RERE: variants seen among roughly 807,000 people sequenced by gnomAD.
RERE encodes the protein arginine-glutamic acid dipeptide repeats protein.
A neutral mutation model predicts 146.1 loss-of-function variants in RERE; 40 were observed. The ratio of observed to expected loss-of-function variants is 0.27; its 90% CI spans 0.21 to 0.36. The LOEUF (loss-of-function observed/expected upper bound fraction) is 0.36, where lower values mean the gene tolerates loss of function less well. Among genes scored for constraint, RERE ranks in the 10% least tolerant of loss-of-function variants. The pLI is 1.00. For synonymous variants in RERE, 1,003 were observed against 866.0 expected, an observed-to-expected ratio of 1.16 and a Z score of -2.78; for missense variants, 1,933 against 2,138.7, an observed-to-expected ratio of 0.90 and a Z score of 1.90.
At chr1:8,720,575 G>A (rs561007543) in intron 1 of RERE, among the ~76,000 whole-genome samples, 1 of 152,140 alleles carries the variant, frequency 6.6e-6, no homozygotes, top group Non-Finnish European at 1.5e-5. Context: ...GAGAGCAAGC[G>A]AGCCGGCAGG....
chr1:8,491,459 A>C (rs1044275857), intron 10 of RERE, among the ~76,000 whole-genome samples: 5 of 151,608 alleles, frequency 3.3e-5, no homozygotes, highest in African/African-American at 1.2e-4. Flanking sequence ...AAACAAAACA[A>C]AACAAGAAAA....
At chr1:8,612,344 C>G (rs1363450254) in intron 4 of RERE, among the ~76,000 whole-genome samples, 3 of 152,154 alleles carry the variant, frequency 2.0e-5, no homozygotes, top group Non-Finnish European at 2.9e-5. Context: ...CCAACTGGAT[C>G]TGATTCAGAT....
chr1:8,753,097 T>G (rs756171499), intron 1 of RERE, among the ~76,000 whole-genome samples: 28 of 152,220 alleles, frequency 1.8e-4, no homozygotes, highest in Admixed American at 2.0e-4. Context: ...GAGGTTAGCA[T>G]AAATGATTCA....
chr1:8,614,932 G>A (rs1050767697), intron 3 of RERE, among the ~76,000 whole-genome samples: 6 of 152,186 alleles, frequency 3.9e-5, no homozygotes, highest in African/African-American at 1.2e-4. Flanking sequence ...CTATCATAAA[G>A]CAGTATGGTG....
At chr1:8,501,731 C>G (rs1204434735) in intron 8 of RERE, among the ~76,000 whole-genome samples, 9 of 123,974 alleles carry the variant, frequency 7.3e-5, no homozygotes, top group Non-Finnish European at 1.4e-4. Context: ...GCCCCCCGCC[C>G]GGCCAGCCGC....
intron 2 of RERE, among the ~76,000 whole-genome samples, chr1:8,634,797 G>A (rs963465283): frequency 6.6e-6 from 1 of 152,124 alleles, no homozygotes; most frequent in South Asian, 2.1e-4. Flanking sequence ...GTGCAGTGGC[G>A]CGATCTCGGT....
intron 7 of RERE, among the ~76,000 whole-genome samples, chr1:8,509,341 C>G (rs2124301707): frequency 6.6e-6 from 1 of 152,188 alleles, no homozygotes; most frequent in South Asian, 2.1e-4. Context: ...TCTCAGGGTG[C>G]CCTACCATAA....
chr1:8,682,650 T>C (rs1236861649), intron 1 of RERE, among the ~76,000 whole-genome samples: 4 of 152,148 alleles, frequency 2.6e-5, no homozygotes, highest in Non-Finnish European at 5.9e-5. Context: ...ACCTACACAA[T>C]AAAAATAACT....
At chr1:8,645,559 T>C (rs1647268110) in intron 2 of RERE, among the ~76,000 whole-genome samples, 1 of 152,162 alleles carries the variant, frequency 6.6e-6, no homozygotes, top group Non-Finnish European at 1.5e-5. Flanking sequence ...GGACATCTTA[T>C]TATATAAAAC....
intron 11 of RERE, among the ~76,000 whole-genome samples, chr1:8,452,356 C>T (rs2124075812): frequency 6.6e-6 from 1 of 152,336 alleles, no homozygotes; most frequent in African/African-American, 2.4e-5. Context: ...TTTACACCCA[C>T]TACCCAAATC....
intron 10 of RERE, among the ~76,000 whole-genome samples, chr1:8,473,108 G>A (rs184910477): frequency 6.6e-6 from 1 of 152,036 alleles, no homozygotes; most frequent in East Asian, 1.9e-4. Flanking sequence ...TCTAGCAATC[G>A]GCCTTTGGTC....
intron 11 of RERE, among the ~76,000 whole-genome samples, chr1:8,462,126 G>A (rs1321035623): frequency 6.6e-6 from 1 of 152,128 alleles, no homozygotes; most frequent in South Asian, 2.1e-4. Flanking sequence ...TCTCTTTAAT[G>A]TGCTGATTCA....
intron 8 of RERE, among the ~76,000 whole-genome samples, chr1:8,504,841 A>G (rs1645229717): frequency 6.6e-6 from 1 of 151,988 alleles, no homozygotes. Context: ...CGACCGAGTG[A>G]GACTCCGTCT....
chr1:8,683,203 G>A (rs1046478417), intron 1 of RERE, among the ~76,000 whole-genome samples: 1 of 152,082 alleles, frequency 6.6e-6, no homozygotes, highest in Non-Finnish European at 1.5e-5. Context: ...AGAGGATGCA[G>A]GCCCAGCCTC....
Position 8,565,282 on chromosome 1 carries a change from C to CATA in RERE, c.523-7762_523-7760dup, listed in dbSNP as rs1646140023. Among the ~76,000 whole-genome samples, 2 of 152,142 alleles carry CATA rather than the reference C, an allele frequency of 1.3e-5. 1 individual carries two copies. The highest frequency in any genetic ancestry group is 1.3e-4 in the Admixed American group (2 of 15,286). On this transcript the variant is annotated intron_variant, in intron 4 of 22. Transcript: ENST00000400908. ...ATTATTCTACATTGTATTAATGAAT[C>CATA]ATACATCATTTTGTACTCCATACAT...
At chr1:8,679,558 T>A (rs1252551801) in intron 1 of RERE, among the ~76,000 whole-genome samples, 1 of 152,024 alleles carries the variant, frequency 6.6e-6, no homozygotes, top group Non-Finnish European at 1.5e-5. Flanking sequence ...GGGCCTAGAG[T>A]CTCTGGCAGA....
At position 8,691,657 on chromosome 1, in the gene RERE, A is replaced by G. The variant is rs116565198; in HGVS notation, c.-144-35216T>C. Among the ~76,000 whole-genome samples, 1,120 of 152,330 alleles carry G rather than the reference A, an allele frequency of 7.4e-3. 14 individuals are homozygous for G. The highest frequency in any genetic ancestry group is 0.026 in the African/African-American group (1,073 of 41,578). On this transcript the variant is annotated intron_variant, in intron 1 of 22. Coordinates refer to ENST00000400908, the MANE Select transcript of RERE (RefSeq NM_001042681.2). ...TGGGAGAAAGATCATATATTACACCAATACTCAAAGAAGTCCCTGATAAAA... is the reference window on the plus strand; with the variant it reads ...TGGGAGAAAGATCATATATTACACCGATACTCAAAGAAGTCCCTGATAAAA...
Position 8,487,893 on chromosome 1 carries a change from A to C in RERE, c.1104+7170T>G, listed in dbSNP as rs556716964. Among the ~76,000 whole-genome samples the C allele has an allele frequency of 1.5e-3, 235 of 152,274 alleles. 1 individual carries two copies. The highest frequency in any genetic ancestry group is 2.5e-3 in the Non-Finnish European group (169 of 68,020). On this transcript the variant is annotated intron_variant, in intron 10 of 22. Transcript: ENST00000400908. ...AATCCTCAAACAGGAAATACTTAGGAGTAAATTTAACAAAATGTTGTAAGA... is the reference window on the plus strand; with the variant it reads ...AATCCTCAAACAGGAAATACTTAGGCGTAAATTTAACAAAATGTTGTAAGA...
At chr1:8,788,206 A>T (rs1160124431) in intron 1 of RERE, among the ~76,000 whole-genome samples, 1 of 152,212 alleles carries the variant, frequency 6.6e-6, no homozygotes, top group African/African-American at 2.4e-5. Context: ...GTGCCCAATA[A>T]TAGGAAAATA....
Sources: gnomAD v4.1 joint callset for allele counts (sites outside exome capture counted in the v4.1 genomes callset) on GRCh38, gnomAD v4.1.1 for gene constraint, MANE v1.5 for transcripts, NCBI Gene and HGNC (gene_info 2026-07-23, HGNC 2026-07-21) for gene names.